ABLIM2: variants seen among roughly 807,000 people sequenced by gnomAD.
ABLIM2 encodes actin binding LIM protein family member 2, also known as actin-binding LIM protein 2.
In ABLIM2, 53 loss-of-function variants were observed where a neutral mutation model predicts 97.7. The observed-to-expected ratio is 0.54, with a 90% CI of 0.44 to 0.68. The LOEUF (loss-of-function observed/expected upper bound fraction) is 0.68, where lower values mean the gene tolerates loss of function less well. Among genes scored for constraint, ABLIM2 ranks in the 30% least tolerant of loss-of-function variants. The probability of loss-of-function intolerance (pLI) is 0.00; values close to 1 mark genes in which losing one functional copy is unlikely to be tolerated. For synonymous variants in ABLIM2, 361 were observed against 345.8 expected, an observed-to-expected ratio of 1.04 and a Z score of -0.49; for missense variants, 835 against 867.2, an observed-to-expected ratio of 0.96 and a Z score of 0.47.
At chr4:8,042,876 C>A (rs189507254) in intron 9 of ABLIM2, among the ~76,000 whole-genome samples, 1 of 147,392 alleles carries the variant, frequency 6.8e-6, no homozygotes, top group Non-Finnish European at 1.5e-5. Context: ...GTTGGCCAGA[C>A]GTGATGACTC....
chr4:7,984,907 A>C lies in ABLIM2; in HGVS notation c.1681-14T>G, dbSNP rs1282677440. On this transcript the variant is annotated splice_polypyrimidine_tract_variant and intron_variant, in intron 17 of 20. Coordinates refer to ENST00000447017, the MANE Select transcript of ABLIM2 (RefSeq NM_001130083.2). ...CAGATTGGCATTCTGGAAGAGAAAG[A>C]GAGGTTGGGCGGCAAGAGACAGGCG... The C allele has an allele frequency of 6.2e-7, 1 of 1,607,916 alleles. No individual in the cohort carries two copies. Among genetic ancestry groups the C allele is most frequent in the African/African-American group, 1.3e-5 (1 of 74,854 alleles).
intron 9 of ABLIM2, among the ~76,000 whole-genome samples, chr4:8,041,883 G>T (rs892772600): frequency 6.6e-6 from 1 of 150,422 alleles, no homozygotes; most frequent in South Asian, 2.1e-4. Context: ...CAGCCTGGGC[G>T]ACACAGTGAG....
Position 8,130,440 on chromosome 4 carries a change from G to A in ABLIM2, c.11-23803C>T, listed in dbSNP as rs952162284. Among the ~76,000 whole-genome samples, 2 of 152,238 alleles carry A rather than the reference G, an allele frequency of 1.3e-5. No individual in the cohort carries two copies. The highest frequency in any genetic ancestry group is 2.4e-5 in the African/African-American group (1 of 41,468). On this transcript the variant is annotated intron_variant, in intron 1 of 20. Transcript: ENST00000447017. This position sits in a 1 kb window ranked among gnomAD's most constrained non-coding sequence, Gnocchi z 4.2. ...TGGCTCAAGACCAACAACTGCAGGG[G>A]CTATGGCAGGGAGAGTGGACGCCGG... is the stretch of plus-strand genomic sequence containing the variant.
intron 20 of ABLIM2, among the ~76,000 whole-genome samples, chr4:7,979,014 A>T (rs1157974132): frequency 2.0e-5 from 3 of 152,058 alleles, no homozygotes; most frequent in African/African-American, 7.2e-5. Context: ...TCACCTGCAC[A>T]CTCACTCTGC....
Position 8,032,965 on chromosome 4 carries a change from G to A in ABLIM2, c.1047+3184C>T, listed in dbSNP as rs1191730154. ...TACCTGGCCACCCCCACGTCCCACT[G>A]TTCTCCCACAAAGATGTGTTTTCCC... On this transcript the variant is annotated intron_variant, in intron 10 of 20. Transcript: ENST00000447017. The surrounding 1 kb of genome is among the most constrained non-coding windows in gnomAD (Gnocchi z 4.3). Among the ~76,000 whole-genome samples, 1 of 152,212 alleles carries A rather than the reference G, an allele frequency of 6.6e-6. No homozygotes were observed. Among genetic ancestry groups the A allele is most frequent in the Non-Finnish European group, 1.5e-5 (1 of 68,048 alleles).
intron 10 of ABLIM2, 145 bp downstream of exon 10, chr4:8,036,004 G>T: frequency 1.0e-6 from 1 of 1,001,842 alleles, no homozygotes. Flanking sequence ...GCTATCTGAT[G>T]GGCGTGAAGA....
At chr4:8,039,727 AC>A (rs1431055565) in intron 9 of ABLIM2, among the ~76,000 whole-genome samples, 1 of 152,230 alleles carries the variant, frequency 6.6e-6, no homozygotes, top group Non-Finnish European at 1.5e-5. Context: ...AATAAAGGTT[AC>A]AAAATAATAT....
chr4:7,984,699 C>T (rs986856280), intron 18 of ABLIM2, 140 bp downstream of exon 18: 10 of 863,096 alleles, frequency 1.2e-5, no homozygotes, highest in Non-Finnish European at 1.8e-5. Context: ...AACCAGCACG[C>T]CCTCCCCCGA....
intron 1 of ABLIM2, among the ~76,000 whole-genome samples, chr4:8,116,295 A>G (rs1243229574): frequency 6.6e-6 from 1 of 152,176 alleles, no homozygotes; most frequent in Non-Finnish European, 1.5e-5. Context: ...TTTTGCTCAC[A>G]TCGTTTCTAT....
In ABLIM2 at chr4:8,154,063, C is replaced by T. The variant is rs190073209; in HGVS notation, c.10+4617G>A. Among the ~76,000 whole-genome samples the T allele has an allele frequency of 2.4e-3, 365 of 149,912 alleles. 4 individuals are homozygous for T. Among genetic ancestry groups the T allele is most frequent in the Admixed American group, 0.023 (349 of 15,018 alleles). On this transcript the variant is annotated intron_variant, in intron 1 of 20. Transcript: ENST00000447017. ...CTGCAAGCTCTGCCTCCCAGGTTCA[C>T]GCCATTCTCCTGCCTCAGCCTCCCG...
In ABLIM2 at chr4:8,124,837, A is replaced by G. The variant is rs912542685; in HGVS notation, c.11-18200T>C. ...CCACCTTTCAAGGAACAGTCAGACT[A>G]TTTTCCACACCGGGTTCTGATTTCT... On this transcript the variant is annotated intron_variant, in intron 1 of 20. Transcript: ENST00000447017. This position sits in a 1 kb window ranked among gnomAD's most constrained non-coding sequence, Gnocchi z 6.1. Among the ~76,000 whole-genome samples the G allele has an allele frequency of 4.0e-5, 6 of 151,862 alleles. No homozygotes were observed. Among genetic ancestry groups the G allele is most frequent in the Non-Finnish European group, 8.8e-5 (6 of 67,986 alleles).
rs1753134193 is a variant in ABLIM2, at chr4:7,996,098, C to T, written c.1619-3171G>A. On this transcript the variant is annotated intron_variant, in intron 16 of 20. Transcript: ENST00000447017. The surrounding 1 kb of genome is among the most constrained non-coding windows in gnomAD (Gnocchi z 4.5). ...AGGGCCCCTCCAGCTGCAGCGGGAG[C>T]TCCTTATCAGCAAAGGTGCTAGAGG... is the stretch of plus-strand genomic sequence containing the variant. Among the ~76,000 whole-genome samples, 1 of 152,172 alleles carries T rather than the reference C, an allele frequency of 6.6e-6. No individual in the cohort carries two copies. Among genetic ancestry groups the T allele is most frequent in the African/African-American group, 2.4e-5 (1 of 41,448 alleles).
At chr4:8,100,749 GAAAA>G (rs57318831) in intron 2 of ABLIM2, among the ~76,000 whole-genome samples, 43 of 100,216 alleles carry the variant, frequency 4.3e-4, no homozygotes, top group African/African-American at 8.9e-4. Flanking sequence ...TCCATCTCAG[GAAAA>G]AAAAAAAAAA....
rs1802793114 is a variant in ABLIM2, at chr4:8,061,184, C to A, written c.676-130G>T. On this transcript the variant is annotated intron_variant, in intron 6 of 20. Coordinates refer to ENST00000447017, the MANE Select transcript of ABLIM2 (RefSeq NM_001130083.2). The surrounding 1 kb of genome is among the most constrained non-coding windows in gnomAD (Gnocchi z 4.5). ...GGGATACTGGAAGGGCCAGCCCCCA[C>A]CATCGGGACCCAAGACCCCTGAGCA... The A allele has an allele frequency of 7.8e-6, 6 of 770,296 alleles. No individual in the cohort carries two copies. The highest frequency in any genetic ancestry group is 1.3e-5 in the Non-Finnish European group (6 of 478,226). 47.7% of individuals were successfully genotyped at this position (770,296 alleles called of 1,614,324 possible).
chr4:8,118,331 C>T (rs1485621011), intron 1 of ABLIM2, among the ~76,000 whole-genome samples: 2 of 152,208 alleles, frequency 1.3e-5, no homozygotes, highest in Non-Finnish European at 2.9e-5. Context: ...GGAGCTGGCC[C>T]CATGAGACTC....
chr4:8,066,231 G>C (rs1184023599), intron 6 of ABLIM2, among the ~76,000 whole-genome samples: 11 of 150,646 alleles, frequency 7.3e-5, no homozygotes, highest in Non-Finnish European at 1.5e-5. Flanking sequence ...GCGTGAACCC[G>C]GGAGGCAGAG....
chr4:8,137,006 C>G (rs1046141427), intron 1 of ABLIM2, among the ~76,000 whole-genome samples: 1 of 152,204 alleles, frequency 6.6e-6, no homozygotes, highest in Admixed American at 6.5e-5. Flanking sequence ...CTCATTGTCC[C>G]CTTCCATAGG....
chr4:8,016,524 C>T (rs530893334), intron 14 of ABLIM2, among the ~76,000 whole-genome samples: 10 of 152,170 alleles, frequency 6.6e-5, no homozygotes, highest in African/African-American at 2.4e-4. Flanking sequence ...AAAGGAAGCT[C>T]CCCACGATGT....
rs572113628 is a variant in ABLIM2, at chr4:8,004,227, A to G, written c.1618+3832T>C. 7.2e-5 allele frequency among the ~76,000 whole-genome samples: 11 copies of G among 151,954 alleles called. No homozygotes were observed. The highest frequency in any genetic ancestry group is 3.9e-4 in the East Asian group (2 of 5,116). Reference sequence around the variant, plus strand: ...CAGAGACAAGCACCTCCCACCAGACATGGGACTCCGCCCGGTCCCACAGCG... The same window carrying G: ...CAGAGACAAGCACCTCCCACCAGACGTGGGACTCCGCCCGGTCCCACAGCG... On this transcript the variant is annotated intron_variant, in intron 16 of 20. Coordinates refer to ENST00000447017, the MANE Select transcript of ABLIM2 (RefSeq NM_001130083.2). This position sits in a 1 kb window ranked among gnomAD's most constrained non-coding sequence, Gnocchi z 5.9.
Sources: gnomAD v4.1 joint callset for allele counts (sites outside exome capture counted in the v4.1 genomes callset) on GRCh38, gnomAD v4.1.1 for gene constraint, Gnocchi (gnomAD v3.1) non-coding constraint, MANE v1.5 for transcripts, NCBI Gene and HGNC (gene_info 2026-07-23, HGNC 2026-07-21) for gene names.